The following ACER1 variants were observed in gnomAD, a reference collection of about 807,000 sequenced individuals.
ACER1 encodes the protein alkaline ceramidase 1, also known as CTB-180A7.3.
ACER1 carries 28 observed loss-of-function variants against 24.9 expected under a neutral mutation model. The observed-to-expected ratio is 1.13, with a 90% CI of 0.83 to 1.54. ACER1 has a LOEUF of 1.54. Among genes scored for constraint, ACER1 ranks in the 40% most tolerant of loss-of-function variants. ACER1 has a pLI of 0.00. For synonymous variants in ACER1, 132 were observed against 131.4 expected (o/e 1.00, Z -0.03); for missense variants, 352 against 349.3 (o/e 1.01, Z -0.06).
the ACER1 span, among the ~76,000 whole-genome samples, chr19:6,352,980 A>G: frequency 1.3e-5 from 2 of 152,194 alleles, no homozygotes; most frequent in African/African-American, 2.4e-5. Flanking sequence ...CAAAATACTC[A>G]TTCATTCAGA....
the ACER1 span, among the ~76,000 whole-genome samples, chr19:6,350,651 C>T: frequency 7.6e-6 from 1 of 131,800 alleles, no homozygotes; most frequent in East Asian, 2.2e-4. Context: ...GGGAGGGAGG[C>T]AGGGAGGGAA....
intron 5 of ACER1, 62 bp downstream of exon 5, chr19:6,307,091 G>T: frequency 2.5e-6 from 4 of 1,600,610 alleles, no homozygotes; most frequent in South Asian, 1.1e-5. Context: ...TGCCTACTCC[G>T]AGCTTTGGCA....
chr19:6,357,514 G>A, the ACER1 span, among the ~76,000 whole-genome samples: 7 of 152,014 alleles, frequency 4.6e-5, no homozygotes, highest in African/African-American at 1.7e-4. Context: ...GTTCACACCT[G>A]TAATCTGAGG....
chr19:6,359,098 G>A, the ACER1 span, among the ~76,000 whole-genome samples: 1 of 152,142 alleles, frequency 6.6e-6, no homozygotes, highest in South Asian at 2.1e-4. Context: ...CAGATGTGGT[G>A]ACATGCACCT....
intron 1 of ACER1, among the ~76,000 whole-genome samples, chr19:6,325,002 G>C (rs2091653996): frequency 6.6e-6 from 1 of 152,080 alleles, no homozygotes. Context: ...GGAGCAAACT[G>C]ACGGAGCCCA....
chr19:6,325,356 C>G (rs1219683617), intron 1 of ACER1, among the ~76,000 whole-genome samples: 1 of 152,112 alleles, frequency 6.6e-6, no homozygotes. Context: ...CTGTGCTGTT[C>G]CACCTCAAGA....
the ACER1 span, among the ~76,000 whole-genome samples, chr19:6,347,109 A>AAATAT: frequency 1.2e-4 from 14 of 113,776 alleles, no homozygotes; most frequent in African/African-American, 3.5e-4. Flanking sequence ...AAAAAAAAAA[A>AAATAT]ATATATATAT....
the ACER1 span, among the ~76,000 whole-genome samples, chr19:6,353,809 G>C: frequency 1.3e-5 from 2 of 151,374 alleles, no homozygotes; most frequent in African/African-American, 2.4e-5. Flanking sequence ...TAGGCAACAA[G>C]AGCGAAACCC....
intron 3 of ACER1, among the ~76,000 whole-genome samples, chr19:6,311,225 TG>T (rs956127840): frequency 6.6e-5 from 4 of 60,256 alleles, no homozygotes; most frequent in South Asian, 5.8e-4. Flanking sequence ...TAGGGTGGGC[TG>T]GGGGGGTCCT....
At chr19:6,339,894 T>C in the ACER1 span, among the ~76,000 whole-genome samples, 2 of 151,938 alleles carry the variant, frequency 1.3e-5, no homozygotes, top group South Asian at 4.2e-4. Flanking sequence ...CTTGATCTCC[T>C]GACCTCATGA....
rs2091684816 is a variant in ACER1 at position 6,331,172 on chromosome 19, A to G, written c.93+2287T>C. 2.2e-5 allele frequency among the ~76,000 whole-genome samples: 3 copies of G among 137,910 alleles called. No individual in the cohort carries two copies. In the South Asian group the frequency reaches 6.7e-4, roughly 31 times the overall value. 90.5% of individuals were successfully genotyped at this position (137,910 alleles called of 152,430 possible). On this transcript the variant is annotated intron_variant, in intron 1 of 5. Coordinates refer to ENST00000301452, the MANE Select transcript of ACER1 (RefSeq NM_133492.3). ...CAAGCACTTTTTTTTTTTTTTTGAG[A>G]TGAGGTCTCGCTCTGTCACCAGGCT...
chr19:6,307,144 T>C lies in ACER1; in HGVS notation c.626+9A>G. 2 of 1,613,964 alleles carry C rather than the reference T, an allele frequency of 1.2e-6. No homozygotes were observed. Among genetic ancestry groups the C allele is most frequent in the Non-Finnish European group, 1.7e-6 (2 of 1,180,022 alleles). On this transcript the variant is annotated intron_variant, in intron 5 of 5. Coordinates refer to ENST00000301452, the MANE Select transcript of ACER1 (RefSeq NM_133492.3). Reference sequence around the variant, plus strand: ...CTGGGCCCCCCACAGCCTCAGAGCATGTGCTTACCAGATGCTGTGCAGATA... The same window carrying C: ...CTGGGCCCCCCACAGCCTCAGAGCACGTGCTTACCAGATGCTGTGCAGATA...
chr19:6,351,817 G>A, the ACER1 span, among the ~76,000 whole-genome samples: 12 of 152,102 alleles, frequency 7.9e-5, no homozygotes, highest in African/African-American at 7.2e-5. Context: ...AGCACTTTGG[G>A]AGGCCGAGGC....
the ACER1 span, among the ~76,000 whole-genome samples, chr19:6,348,851 T>A: frequency 2.6e-5 from 4 of 151,360 alleles, no homozygotes; most frequent in African/African-American, 9.7e-5. Flanking sequence ...AGATCAGGAG[T>A]TTGAGACTAG....
At chr19:6,318,812 T>C (rs542074587) in intron 1 of ACER1, among the ~76,000 whole-genome samples, 7 of 6,076 alleles carry the variant, frequency 1.2e-3, no homozygotes, top group African/African-American at 5.8e-3. Flanking sequence ...TAAATAAAAA[T>C]AAAATTATTC....
Position 6,315,129 on chromosome 19 carries a change from C to T in ACER1, c.94-2630G>A, listed in dbSNP as rs1267721323. 2.0e-5 allele frequency among the ~76,000 whole-genome samples: 3 copies of T among 151,994 alleles called. No individual in the cohort carries two copies. In the East Asian group the frequency reaches 5.8e-4, roughly 29 times the overall value. ...CAATCTCCTGACCCCATGATCCGCC[C>T]GCCTCGGCCTCCCAAAGTGCTGGGA... On this transcript the variant is annotated intron_variant, in intron 1 of 5. Coordinates refer to ENST00000301452, the MANE Select transcript of ACER1 (RefSeq NM_133492.3).
At chr19:6,329,045 G>A (rs1333719705) in intron 1 of ACER1, among the ~76,000 whole-genome samples, 1 of 151,952 alleles carries the variant, frequency 6.6e-6, no homozygotes, top group African/African-American at 2.4e-5. Context: ...CTACTTTGAA[G>A]GCTGGGGCAG....
the ACER1 span, among the ~76,000 whole-genome samples, chr19:6,341,686 TGCA>T: frequency 0.26 from 40,034 of 151,776 alleles, 7,510 homozygotes; most frequent in African/African-American, 0.52. Context: ...AGTACAATGG[TGCA>T]GCAGCCTCCA....
chr19:6,306,156 T>C lies in ACER1; in HGVS notation c.*558A>G, dbSNP rs2091551328. Reference sequence around the variant, plus strand: ...TCTGCCTCCTGGGTTCAAGCGATTCTCCTGCCTCAGCCTCCCAAGTAGCTG... The same window carrying C: ...TCTGCCTCCTGGGTTCAAGCGATTCCCCTGCCTCAGCCTCCCAAGTAGCTG... On this transcript the variant is annotated 3_prime_UTR_variant, in exon 6 of 6. Coordinates refer to ENST00000301452, the MANE Select transcript of ACER1 (RefSeq NM_133492.3). 1 of 152,388 alleles carries C rather than the reference T, an allele frequency of 6.6e-6. No individual in the cohort carries two copies. Among genetic ancestry groups the C allele is most frequent in the Non-Finnish European group, 1.5e-5 (1 of 68,174 alleles). 9.4% of individuals were successfully genotyped at this position (152,388 alleles called of 1,614,324 possible).
Sources: gnomAD v4.1 joint callset for allele counts (sites outside exome capture counted in the v4.1 genomes callset) on GRCh38, gnomAD v4.1.1 for gene constraint, MANE v1.5 for transcripts, NCBI Gene and HGNC (gene_info 2026-07-23, HGNC 2026-07-21) for gene names.